EPS8L3: variants seen among roughly 807,000 people sequenced by gnomAD.
EPS8L3 encodes EPS8 signaling adaptor L3.
A neutral mutation model predicts 88.5 loss-of-function variants in EPS8L3; 80 were observed. The observed-to-expected ratio is 0.90, with a 90% CI of 0.75 to 1.09. The LOEUF (loss-of-function observed/expected upper bound fraction) is 1.09, where lower values mean the gene tolerates loss of function less well. EPS8L3 is among the 50% of genes least tolerant of loss of function. The pLI, the probability that EPS8L3 is intolerant of heterozygous loss-of-function variation, is 0.00. For synonymous variants in EPS8L3, 286 were observed against 291.0 expected (o/e 0.98, Z 0.18); for missense variants, 721 against 735.2 (o/e 0.98, Z 0.22).
intron 14 of EPS8L3, 28 bp downstream of exon 14, chr1:109,752,658 C>G (rs538680841): frequency 6.5e-7 from 1 of 1,548,322 alleles, no homozygotes; most frequent in African/African-American, 1.4e-5. Context: ...CCCAGGACCA[C>G]GCAGTCCCTA....
In EPS8L3 at chr1:109,757,950, G is replaced by C; in HGVS notation, c.826C>G (p.Gln276Glu). 6.2e-7 allele frequency: 1 copy of C among 1,614,116 alleles called. No individual in the cohort carries two copies. The highest frequency in any genetic ancestry group is 8.5e-7 in the Non-Finnish European group (1 of 1,179,974). Residue 276 changes from glutamine (Q) to glutamate (E), a missense_variant, in exon 9 of 19, where the codon CAG becomes GAG. Gln to Glu is a conservative substitution (Grantham distance 29). Coordinates refer to ENST00000361965, the MANE Select transcript of EPS8L3 (RefSeq NM_133181.4). Reference sequence around the variant, plus strand: ...CCTGGCCCTCAGTACTCACCTCCCTGGTCCTTGTTTTTTTTCCCAAATTTC... The same window carrying C: ...CCTGGCCCTCAGTACTCACCTCCCTCGTCCTTGTTTTTTTTCCCAAATTTC... ...KKKFGKKNKD[Q>E]GGLTQAQYID...
rs1650419284 is a variant in EPS8L3, at chr1:109,757,645, G to T, written c.895-90C>A. The T allele has an allele frequency of 4.2e-6, 6 of 1,433,474 alleles. 1 individual carries two copies. The Admixed American group carries it at 1.1e-4, about 27-fold the overall frequency. The allele number at this position is 1,433,474 out of a possible 1,614,324, so 88.8% of individuals were successfully genotyped here. ...AATTGTTTTATGCCTTGGCTGGAAG[G>T]CTGGCACTTCCCAAAAGTCCCAAGA... On this transcript the variant is annotated intron_variant, in intron 10 of 18. Coordinates refer to ENST00000361965, the MANE Select transcript of EPS8L3 (RefSeq NM_133181.4).
intron 13 of EPS8L3, 149 bp from the exon 14 acceptor site, chr1:109,752,869 A>G: frequency 2.7e-6 from 2 of 745,186 alleles, no homozygotes; most frequent in Non-Finnish European, 4.6e-6. Flanking sequence ...AGATACAGGT[A>G]CCCACATGCA....
In EPS8L3 at chr1:109,759,932, T is replaced by C; in HGVS notation, c.97-96A>G. On this transcript the variant is annotated intron_variant, in intron 3 of 18. Transcript: ENST00000361965. This position sits in a 1 kb window ranked among gnomAD's most constrained non-coding sequence, Gnocchi z 4.2. Reference sequence around the variant, plus strand: ...AGAAAAGCAGAAGAGGAAGAAGACGTGTCCTCGGCCCCCTTGAGGTAGGAG... The same window carrying C: ...AGAAAAGCAGAAGAGGAAGAAGACGCGTCCTCGGCCCCCTTGAGGTAGGAG... 7.4e-7 allele frequency: 1 copy of C among 1,345,102 alleles called. No homozygotes were observed. Among genetic ancestry groups the C allele is most frequent in the Non-Finnish European group, 1.0e-6 (1 of 980,014 alleles). The allele number at this position is 1,345,102 out of a possible 1,614,324, so 83.3% of individuals were successfully genotyped here.
chr1:109,751,289 G>A lies in EPS8L3; in HGVS notation c.1626C>T (p.Asn542=), dbSNP rs373256152. ...GGCCAGGCACTCACGCAGTGGAGAA[G>A]TTCTCTGCCTGCAGCCAGTCTGTGA... ...EEVTDWLQAE[N]FSTATVRTLG... The change falls in exon 17 of 19, where the codon AAC becomes AAT. Residue 542 remains asparagine, a synonymous_variant. Transcript: ENST00000361965. The A allele has an allele frequency of 1.2e-6, 2 of 1,613,762 alleles. No homozygotes were observed. Among genetic ancestry groups the A allele is most frequent in the Non-Finnish European group, 1.7e-6 (2 of 1,179,944 alleles).
chr1:109,755,079 T>G (rs571250861), intron 12 of EPS8L3, among the ~76,000 whole-genome samples: 31 of 152,326 alleles, frequency 2.0e-4, no homozygotes, highest in African/African-American at 7.5e-4. Flanking sequence ...GGAAGGCAGT[T>G]CTGATAGATG....
intron 13 of EPS8L3, 41 bp from the exon 14 acceptor site, chr1:109,752,761 A>C: frequency 6.5e-7 from 1 of 1,537,444 alleles, no homozygotes; most frequent in Non-Finnish European, 8.8e-7. Context: ...AGCAGGAGGC[A>C]GCCAGCATGG....
At chr1:109,758,497 T>A in intron 7 of EPS8L3, 27 bp downstream of exon 7, 3 of 1,562,558 alleles carry the variant, frequency 1.9e-6, no homozygotes, top group Non-Finnish European at 1.7e-6. Context: ...ACCCTCTCCT[T>A]CACCTGCCCC....
intron 11 of EPS8L3, 92 bp from the exon 12 acceptor site, chr1:109,757,257 T>C: frequency 7.0e-7 from 1 of 1,419,046 alleles, no homozygotes; most frequent in Non-Finnish European, 9.4e-7. Flanking sequence ...TTCCCACTTT[T>C]GCAATGGTAG....
chr1:109,754,436 G>A (rs1650096367), intron 12 of EPS8L3, among the ~76,000 whole-genome samples: 1 of 151,862 alleles, frequency 6.6e-6, no homozygotes, highest in Non-Finnish European at 1.5e-5. Context: ...CATTTCTTTA[G>A]GTATTCTATT....
intron 14 of EPS8L3, 87 bp from the exon 15 acceptor site, chr1:109,752,280 C>T (rs1328274708): frequency 1.5e-5 from 20 of 1,305,182 alleles, no homozygotes; most frequent in South Asian, 5.6e-5. Context: ...CAGGTATCTC[C>T]GGCCTGCAGT....
rs771337582 is a variant in EPS8L3, at chr1:109,758,445, G to A, written c.602-14C>T. The A allele has an allele frequency of 1.3e-6, 2 of 1,585,998 alleles. No homozygotes were observed. The highest frequency in any genetic ancestry group is 1.1e-5 in the South Asian group (1 of 87,506). On this transcript the variant is annotated splice_polypyrimidine_tract_variant and intron_variant, in intron 7 of 18. Transcript: ENST00000361965. Reference sequence around the variant, plus strand: ...ATGGTGGGAGGCCTGCAGTGTAAGGGGACCATGGACCTAGATCTTAGATCT... The same window carrying A: ...ATGGTGGGAGGCCTGCAGTGTAAGGAGACCATGGACCTAGATCTTAGATCT...
intron 14 of EPS8L3, 24 bp from the exon 15 acceptor site, chr1:109,752,217 T>C: frequency 6.3e-7 from 1 of 1,597,436 alleles, no homozygotes. Context: ...TCAGGATGGC[T>C]GGAGAATGGG....
Position 109,758,307 on chromosome 1 carries a change from C to A in EPS8L3, c.717+9G>T. 1 of 1,609,818 alleles carries A rather than the reference C, an allele frequency of 6.2e-7. No homozygotes were observed. On this transcript the variant is annotated intron_variant, in intron 8 of 18. Transcript: ENST00000361965. ...AAGCCTCAGCAAACTCAAGACCATC[C>A]GCAGTTACCTCGTCCCTCTCTGGGT...
At chr1:109,753,296 A>G in intron 12 of EPS8L3, 98 bp from the exon 13 acceptor site, 4 of 998,804 alleles carry the variant, frequency 4.0e-6, no homozygotes, top group Non-Finnish European at 5.9e-6. Context: ...GCCTAGCCTC[A>G]GGAATCTTTT....
chr1:109,761,837 G>A, intron 1 of EPS8L3, 64 bp from the exon 2 acceptor site: 1 of 1,449,416 alleles, frequency 6.9e-7, no homozygotes, highest in Non-Finnish European at 9.7e-7. Context: ...AGGCACAGCA[G>A]GGCAGGACAG....
chr1:109,762,042 G>A (rs532360554), intron 1 of EPS8L3, among the ~76,000 whole-genome samples: 15 of 152,174 alleles, frequency 9.9e-5, no homozygotes, highest in African/African-American at 3.6e-4. Context: ...AAGGCTCCAG[G>A]CCTCCCATGG....
At chr1:109,752,659 G>T (rs374260856) in intron 14 of EPS8L3, 27 bp downstream of exon 14, 3 of 1,547,738 alleles carry the variant, frequency 1.9e-6, no homozygotes, top group Non-Finnish European at 8.7e-7. Context: ...CCAGGACCAC[G>T]CAGTCCCTAT....
chr1:109,757,797 C>A lies in EPS8L3; in HGVS notation c.894+5G>T. ...GGCCTGGTGAACTTGTGGGGAGCCACCTACCAGGAGGTTGAAGCTGTGCTT... is the reference window on the plus strand; with the variant it reads ...GGCCTGGTGAACTTGTGGGGAGCCAACTACCAGGAGGTTGAAGCTGTGCTT... On this transcript the variant is annotated splice_donor_5th_base_variant and intron_variant, in intron 10 of 18. Transcript: ENST00000361965. 6.2e-7 allele frequency: 1 copy of A among 1,613,750 alleles called. No homozygotes were observed. The highest frequency in any genetic ancestry group is 8.5e-7 in the Non-Finnish European group (1 of 1,179,722).
Sources: allele counts gnomAD v4.1 joint callset (sites outside exome capture counted in the v4.1 genomes callset), GRCh38; gene constraint gnomAD v4.1.1; non-coding constraint Gnocchi (gnomAD v3.1); transcripts MANE v1.5; gene names NCBI Gene and HGNC (gene_info 2026-07-23, HGNC 2026-07-21).